Variants in SNTG1 observed in about 807,000 individuals in gnomAD.
SNTG1 encodes syntrophin gamma 1, also known as gamma-1-syntrophin.
In SNTG1, 39 loss-of-function variants were observed where a neutral mutation model predicts 74.7. The observed-to-expected ratio is 0.52, with a 90% CI of 0.40 to 0.68. SNTG1 has a LOEUF of 0.68. SNTG1 is among the 30% of genes least tolerant of loss of function. The probability of loss-of-function intolerance (pLI) is 0.00; values close to 1 mark genes in which losing one functional copy is unlikely to be tolerated. For missense variants in SNTG1, 685 were observed against 609.5 expected (o/e 1.12, Z -1.30); for synonymous variants, 254 against 217.1 (o/e 1.17, Z -1.49).
At chr8:50,344,369 C>A (rs1019617543) in intron 2 of SNTG1, among the ~76,000 whole-genome samples, 1 of 152,114 alleles carries the variant, frequency 6.6e-6, no homozygotes, top group East Asian at 1.9e-4. Context: ...TGTTTCTGCT[C>A]CATGGTTGGT....
intron 2 of SNTG1, among the ~76,000 whole-genome samples, chr8:50,307,448 T>G (rs1342714654): frequency 6.6e-6 from 1 of 152,064 alleles, no homozygotes; most frequent in Admixed American, 6.6e-5. Context: ...CTCCATTTAT[T>G]TTTTATTTCA....
rs115213025 is a variant in SNTG1, at chr8:50,631,378, C to G, written c.850-25531C>G. On this transcript the variant is annotated intron_variant, in intron 13 of 18. Coordinates refer to ENST00000642720, the MANE Select transcript of SNTG1 (RefSeq NM_018967.5). Reference sequence around the variant, plus strand: ...TTTCTTCATAGGCACCAATTGTTATCCTGATTATATTACATTATATTATAG... The same window carrying G: ...TTTCTTCATAGGCACCAATTGTTATGCTGATTATATTACATTATATTATAG... Among the ~76,000 whole-genome samples the G allele has an allele frequency of 2.4e-3, 369 of 152,272 alleles. 3 individuals carry two copies. The highest frequency in any genetic ancestry group is 8.0e-3 in the African/African-American group (332 of 41,554).
chr8:50,681,928 T>G (rs1375944159), intron 15 of SNTG1, among the ~76,000 whole-genome samples: 1 of 152,206 alleles, frequency 6.6e-6, no homozygotes, highest in African/African-American at 2.4e-5. Context: ...AGAGATGTTC[T>G]GACTTTTCAG....
chr8:50,420,090 A>C (rs1383502039), intron 4 of SNTG1, among the ~76,000 whole-genome samples: 1 of 152,124 alleles, frequency 6.6e-6, no homozygotes, highest in Non-Finnish European at 1.5e-5. Flanking sequence ...TGAGAAGAAA[A>C]AGAGTTCAGA....
chr8:50,413,059 G>A (rs991158751), intron 4 of SNTG1, among the ~76,000 whole-genome samples: 2 of 152,188 alleles, frequency 1.3e-5, no homozygotes, highest in African/African-American at 4.8e-5. Flanking sequence ...TAAAGCAATG[G>A]TGCCTGGTTC....
At chr8:50,710,419 G>A (rs2048209) in intron 17 of SNTG1, among the ~76,000 whole-genome samples, 143,207 of 152,174 alleles carry the variant, frequency 0.94, 67,435 homozygotes, top group East Asian at 1. Context: ...TTAAATTATC[G>A]ATTAAATGAG....
chr8:50,280,411 C>T (rs1165490577), intron 2 of SNTG1, among the ~76,000 whole-genome samples: 1 of 152,154 alleles, frequency 6.6e-6, no homozygotes, highest in Non-Finnish European at 1.5e-5. Flanking sequence ...TTCTGAATGA[C>T]CTACATAGCT....
intron 2 of SNTG1, among the ~76,000 whole-genome samples, chr8:50,372,511 A>T (rs1457071868): frequency 6.6e-6 from 1 of 151,958 alleles, no homozygotes; most frequent in African/African-American, 2.4e-5. Flanking sequence ...ATCTTTCTTT[A>T]TTTAAAATGG....
intron 17 of SNTG1, among the ~76,000 whole-genome samples, chr8:50,739,175 G>A (rs2095536697): frequency 6.6e-6 from 1 of 151,796 alleles, no homozygotes; most frequent in African/African-American, 2.4e-5. Flanking sequence ...CTCAAAAAGG[G>A]CTAATATCCA....
chr8:50,742,708 T>C (rs1269102348), intron 17 of SNTG1, among the ~76,000 whole-genome samples: 1 of 151,560 alleles, frequency 6.6e-6, no homozygotes, highest in Non-Finnish European at 1.5e-5. Context: ...ATAAAATAGA[T>C]ACTAGAAAGT....
chr8:50,141,864 A>C lies in SNTG1; in HGVS notation c.-102-30697A>C, dbSNP rs577252014. On this transcript the variant is annotated intron_variant, in intron 1 of 18. Coordinates refer to ENST00000642720, the MANE Select transcript of SNTG1 (RefSeq NM_018967.5). ...GCATAATTATGTATATTTATAATTT[A>C]ATAATATTGAAAATAAAAGAAAATA... Among the ~76,000 whole-genome samples the C allele has an allele frequency of 7.2e-5, 11 of 152,206 alleles. No homozygotes were observed. In the East Asian group the frequency reaches 2.1e-3, roughly 29 times the overall value.
intron 8 of SNTG1, among the ~76,000 whole-genome samples, chr8:50,462,794 CTCTTTTTTTTTTTTTTTTTTTTT>C (rs1209237392): frequency 1.4e-4 from 6 of 43,628 alleles, no homozygotes; most frequent in South Asian, 8.4e-4. Flanking sequence ...TCAGGTTCTA[CTCTTTTTTTTTTTTTTTTTTTTT>C]TTTTTTTTTT....
chr8:50,294,029 A>C (rs1035913904), intron 2 of SNTG1, among the ~76,000 whole-genome samples: 1 of 152,226 alleles, frequency 6.6e-6, no homozygotes, highest in Non-Finnish European at 1.5e-5. Flanking sequence ...AAATTAATTT[A>C]CGATCTGTTA....
At chr8:50,264,709 A>C (rs1563817348) in intron 2 of SNTG1, among the ~76,000 whole-genome samples, 2 of 152,010 alleles carry the variant, frequency 1.3e-5, no homozygotes, top group Non-Finnish European at 2.9e-5. Context: ...AATGGTACCA[A>C]AAGTTGATAC....
At chr8:50,513,141 A>G (rs1419146814) in intron 9 of SNTG1, among the ~76,000 whole-genome samples, 2 of 151,788 alleles carry the variant, frequency 1.3e-5, no homozygotes, top group Admixed American at 6.6e-5. Flanking sequence ...AACAGTCAGA[A>G]CCCTCAGCTG....
chr8:50,022,509 G>A (rs1056729897), intron 1 of SNTG1, among the ~76,000 whole-genome samples: 2 of 152,164 alleles, frequency 1.3e-5, no homozygotes, highest in Non-Finnish European at 2.9e-5. Flanking sequence ...ACCAATGAGA[G>A]CTTCAGATCC....
chr8:50,173,309 A>G (rs2082876514), intron 2 of SNTG1, among the ~76,000 whole-genome samples: 3 of 152,194 alleles, frequency 2.0e-5, no homozygotes, highest in South Asian at 4.1e-4. Context: ...ACGTGGCTAG[A>G]AAAGGTTAGG....
chr8:50,686,664 TG>T (rs1300255640), intron 15 of SNTG1, among the ~76,000 whole-genome samples: 1 of 152,108 alleles, frequency 6.6e-6, no homozygotes, highest in Non-Finnish European at 1.5e-5. Flanking sequence ...AATTAATAAT[TG>T]TAAAAATAAG....
intron 9 of SNTG1, among the ~76,000 whole-genome samples, chr8:50,513,565 C>T (rs1031610944): frequency 6.6e-6 from 1 of 152,236 alleles, no homozygotes; most frequent in Non-Finnish European, 1.5e-5. Context: ...GGGCTCCACC[C>T]AGTTTGAGCT....
Sources: allele counts gnomAD v4.1 joint callset (sites outside exome capture counted in the v4.1 genomes callset), GRCh38; gene constraint gnomAD v4.1.1; transcripts MANE v1.5; gene names NCBI Gene and HGNC (gene_info 2026-07-23, HGNC 2026-07-21).